DNASE1L3: variants seen among roughly 807,000 people sequenced by gnomAD.
DNASE1L3 encodes the protein deoxyribonuclease 1L3, also known as deoxyribonuclease gamma.
DNASE1L3 carries 27 observed loss-of-function variants against 30.9 expected under a neutral mutation model. The ratio of observed to expected loss-of-function variants is 0.87; its 90% CI spans 0.64 to 1.20. The LOEUF is 1.20. Ranked by LOEUF, DNASE1L3 falls within the 50% of genes most tolerant of loss-of-function variation. The probability of loss-of-function intolerance (pLI) is 0.00; values close to 1 mark genes in which losing one functional copy is unlikely to be tolerated. For synonymous variants in DNASE1L3, 135 were observed against 138.0 expected (o/e 0.98, Z 0.15); for missense variants, 364 against 378.2 (o/e 0.96, Z 0.31).
rs1027668958 is a variant in DNASE1L3 at position 58,200,515 on chromosome 3, A to G, written c.546+482T>C. 1.3e-5 allele frequency among the ~76,000 whole-genome samples: 2 copies of G among 152,210 alleles called. No homozygotes were observed. Among genetic ancestry groups the G allele is most frequent in the African/African-American group, 4.8e-5 (2 of 41,446 alleles). ...GAGCCCTGGATCCAGCTATGCCTGA[A>G]GTACTCCTGGACATTTCAGTTACAC... On this transcript the variant is annotated intron_variant, in intron 5 of 7. Coordinates refer to ENST00000394549, the MANE Select transcript of DNASE1L3 (RefSeq NM_004944.4). The surrounding 1 kb of genome is among the most constrained non-coding windows in gnomAD (Gnocchi z 4.2).
At chr3:58,193,263 G>A (rs2097395235) in intron 7 of DNASE1L3, 80 bp downstream of exon 7, 2 of 1,547,412 alleles carry the variant, frequency 1.3e-6, no homozygotes, top group Admixed American at 1.7e-5. Flanking sequence ...ATTTTTCATA[G>A]AGATGGAGTC....
chr3:58,208,181 C>A (rs754712577), intron 2 of DNASE1L3, 37 bp downstream of exon 2: 20 of 1,604,206 alleles, frequency 1.2e-5, no homozygotes, highest in Non-Finnish European at 1.6e-5. Flanking sequence ...TTGCACTTGA[C>A]CTTGAGCCCT....
At position 58,200,251 on chromosome 3, in the gene DNASE1L3, A is replaced by G. The variant is rs935049443; in HGVS notation, c.546+746T>C. ...CAGATTTAGTCAATCAGAGTAGCTC[A>G]ACACCCTGATCACAATGATTGGTTC... On this transcript the variant is annotated intron_variant, in intron 5 of 7. Coordinates refer to ENST00000394549, the MANE Select transcript of DNASE1L3 (RefSeq NM_004944.4). The surrounding 1 kb of genome is among the most constrained non-coding windows in gnomAD (Gnocchi z 4.2). Among the ~76,000 whole-genome samples, 2 of 152,184 alleles carry G rather than the reference A, an allele frequency of 1.3e-5. No homozygotes were observed. The highest frequency in any genetic ancestry group is 2.9e-5 in the Non-Finnish European group (2 of 68,038).
chr3:58,206,560 G>T (rs1197848673), intron 2 of DNASE1L3, among the ~76,000 whole-genome samples: 1 of 152,148 alleles, frequency 6.6e-6, no homozygotes, highest in Non-Finnish European at 1.5e-5. Context: ...GCCCATCCTG[G>T]CTTGTGGGGG....
At chr3:58,208,190 C>G in intron 2 of DNASE1L3, 28 bp downstream of exon 2, 1 of 1,611,988 alleles carries the variant, frequency 6.2e-7, no homozygotes, top group Non-Finnish European at 8.5e-7. Context: ...ACCTTGAGCC[C>G]TAGAGGGCCC....
chr3:58,196,585 A>C (rs1323252868), intron 6 of DNASE1L3, among the ~76,000 whole-genome samples: 1 of 142,014 alleles, frequency 7.0e-6, no homozygotes, highest in Non-Finnish European at 1.5e-5. Context: ...AAACTCCGAG[A>C]GGAAGTGAAA....
At chr3:58,203,498 C>T (rs1575498514) in intron 4 of DNASE1L3, among the ~76,000 whole-genome samples, 1 of 152,164 alleles carries the variant, frequency 6.6e-6, no homozygotes, top group Non-Finnish European at 1.5e-5. Flanking sequence ...CATTGCATAA[C>T]ACTGCATGTT....
intron 7 of DNASE1L3, chr3:58,193,039 C>T: frequency 4.2e-6 from 6 of 1,424,760 alleles, no homozygotes; most frequent in Non-Finnish European, 5.5e-6. Context: ...AATGTTGTGT[C>T]TTCAGTGGTG....
At chr3:58,210,634 G>A in intron 1 of DNASE1L3, 132 bp downstream of exon 1, 1 of 1,375,260 alleles carries the variant, frequency 7.3e-7, no homozygotes, top group South Asian at 1.3e-5. Context: ...AGTTGAAGTG[G>A]TTATTGTTCC....
intron 6 of DNASE1L3, 78 bp from the exon 7 acceptor site, chr3:58,193,517 G>T (rs1347598452): frequency 7.6e-7 from 1 of 1,308,726 alleles, no homozygotes; most frequent in African/African-American, 1.5e-5. Flanking sequence ...TGTGTTTGCT[G>T]TCTGGAATTA....
intron 6 of DNASE1L3, among the ~76,000 whole-genome samples, chr3:58,194,618 G>A (rs1398384536): frequency 7.0e-6 from 1 of 142,696 alleles, no homozygotes; most frequent in South Asian, 2.3e-4. Flanking sequence ...CCGCTCCAGG[G>A]CTACGGCTTT....
chr3:58,197,739 C>A lies in DNASE1L3; in HGVS notation c.704+82G>T. The A allele has an allele frequency of 6.3e-7, 1 of 1,598,602 alleles. No individual in the cohort carries two copies. The highest frequency in any genetic ancestry group is 8.5e-7 in the Non-Finnish European group (1 of 1,170,422). Reference sequence around the variant, plus strand: ...AAGTGCTAGGACTACTGGCGTGAGCCACAGTGCCCAGCCACCTTGCGTCTT... The same window carrying A: ...AAGTGCTAGGACTACTGGCGTGAGCAACAGTGCCCAGCCACCTTGCGTCTT... On this transcript the variant is annotated intron_variant, in intron 6 of 7. Transcript: ENST00000394549. This position sits in a 1 kb window ranked among gnomAD's most constrained non-coding sequence, Gnocchi z 5.3.
Position 58,197,718 on chromosome 3 carries a change from G to T in DNASE1L3, c.704+103C>A. The T allele has an allele frequency of 6.5e-7, 1 of 1,534,652 alleles. No individual in the cohort carries two copies. The highest frequency in any genetic ancestry group is 8.9e-7 in the Non-Finnish European group (1 of 1,118,766). On this transcript the variant is annotated intron_variant, in intron 6 of 7. Coordinates refer to ENST00000394549, the MANE Select transcript of DNASE1L3 (RefSeq NM_004944.4). The surrounding 1 kb of genome is among the most constrained non-coding windows in gnomAD (Gnocchi z 5.3). ...TCCATCCATCGAGGCCTCCCAAAGT[G>T]CTAGGACTACTGGCGTGAGCCACAG...
chr3:58,210,650 A>G, intron 1 of DNASE1L3, 116 bp downstream of exon 1: 5 of 1,496,114 alleles, frequency 3.3e-6, no homozygotes, highest in Non-Finnish European at 4.5e-6. Flanking sequence ...GTTCCAAGCC[A>G]GCTTCTACAT....
intron 4 of DNASE1L3, among the ~76,000 whole-genome samples, chr3:58,204,005 A>T (rs1023879426): frequency 2.0e-5 from 3 of 152,140 alleles, no homozygotes; most frequent in Non-Finnish European, 4.4e-5. Context: ...GGCCAGTACA[A>T]GTACTGTTGT....
rs367846709 is a variant in DNASE1L3 at position 58,201,011 on chromosome 3, G to T, written c.532C>A (p.Arg178Ser). ...LVEVYTDVKH[R>S]WKAENFIFMG... ...GCAGTCCTCACCTCCGCCTTCCAGCGGTGTTTCACGTCCGTGTAGACCTCA... is the reference window on the plus strand; with the variant it reads ...GCAGTCCTCACCTCCGCCTTCCAGCTGTGTTTCACGTCCGTGTAGACCTCA... Residue 178 changes from arginine (R) to serine (S), a missense_variant, in exon 5 of 8, where the codon CGC becomes AGC. Coordinates refer to ENST00000394549, the MANE Select transcript of DNASE1L3 (RefSeq NM_004944.4). 6.2e-7 allele frequency: 1 copy of T among 1,611,406 alleles called. No individual in the cohort carries two copies. The highest frequency in any genetic ancestry group is 1.7e-5 in the Admixed American group (1 of 59,794).
chr3:58,210,293 GGAAA>G (rs1307729315), intron 1 of DNASE1L3, among the ~76,000 whole-genome samples: 3 of 151,900 alleles, frequency 2.0e-5, no homozygotes, highest in Non-Finnish European at 4.4e-5. Context: ...AAGAAGAAAA[GGAAA>G]GAGAGAGAAA....
chr3:58,192,847 C>G lies in DNASE1L3; in HGVS notation c.802-44G>C. 2 of 1,594,976 alleles carry G rather than the reference C, an allele frequency of 1.3e-6. No individual in the cohort carries two copies. Among genetic ancestry groups the G allele is most frequent in the South Asian group, 2.3e-5 (2 of 86,908 alleles). On this transcript the variant is annotated intron_variant, in intron 7 of 7. Transcript: ENST00000394549. The surrounding 1 kb of genome is among the most constrained non-coding windows in gnomAD (Gnocchi z 4.8). Reference sequence around the variant, plus strand: ...GGTAGACATGGAAATTAGGAGATGCCTGGGAGATGCTTTCATTTTAGCGAT... The same window carrying G: ...GGTAGACATGGAAATTAGGAGATGCGTGGGAGATGCTTTCATTTTAGCGAT...
At chr3:58,208,187 G>T (rs747649598) in intron 2 of DNASE1L3, 31 bp downstream of exon 2, 26 of 1,608,108 alleles carry the variant, frequency 1.6e-5, no homozygotes, top group Non-Finnish European at 2.1e-5. Context: ...TTGACCTTGA[G>T]CCCTAGAGGG....
Sources: gnomAD v4.1 joint callset for allele counts (sites outside exome capture counted in the v4.1 genomes callset) on GRCh38, gnomAD v4.1.1 for gene constraint, Gnocchi (gnomAD v3.1) non-coding constraint, MANE v1.5 for transcripts, NCBI Gene and HGNC (gene_info 2026-07-23, HGNC 2026-07-21) for gene names.